The following MCF2 variants were observed in gnomAD, a reference collection of about 807,000 sequenced individuals.
The protein encoded by MCF2 is MCF.2 cell line derived transforming sequence, also known as proto-oncogene DBL.
MCF2 carries 44 observed loss-of-function variants against 82.5 expected under a neutral mutation model. The ratio of observed to expected loss-of-function variants is 0.53; its 90% CI spans 0.42 to 0.69. The LOEUF is 0.69. MCF2 is among the 30% of genes least tolerant of loss of function. MCF2 has a pLI of 0.00. For synonymous variants in MCF2, 217 were observed against 224.9 expected, an observed-to-expected ratio of 0.96 and a Z score of 0.32; for missense variants, 623 against 663.1, an observed-to-expected ratio of 0.94 and a Z score of 0.66.
At chrX:139,656,550 A>G (rs1411962650) in intron 1 of MCF2, among the ~76,000 whole-genome samples, 1 of 112,408 alleles carries the variant, frequency 8.9e-6, no homozygotes, top group Non-Finnish European at 1.9e-5. Context: ...TACTTTAATA[A>G]ATGATCAAGT....
upstream of MCF2, among the ~76,000 whole-genome samples, chrX:139,645,113 A>C (rs1933757414): frequency 1.8e-5 from 2 of 110,860 alleles, no homozygotes; most frequent in Non-Finnish European, 3.8e-5. Context: ...TCCCTACCCT[A>C]TCCTAGGGTA....
intron 21 of MCF2, 87 bp from the exon 26 acceptor site, chrX:139,587,875 A>G: frequency 2.1e-6 from 1 of 487,458 alleles, no homozygotes. Flanking sequence ...TCTCACACAC[A>G]CACACACACA....
intron 10 of MCF2, among the ~76,000 whole-genome samples, chrX:139,613,772 C>T (rs1931678468): frequency 9.0e-6 from 1 of 110,716 alleles, no homozygotes. Context: ...TACTCTTTTT[C>T]CAGTAGTTTT....
chrX:139,654,662 T>C (rs1934138305), intron 1 of MCF2, among the ~76,000 whole-genome samples: 1 of 111,966 alleles, frequency 8.9e-6, no homozygotes, highest in Non-Finnish European at 1.9e-5. Flanking sequence ...ATCCCATTTG[T>C]CTATTTTTGC....
At chrX:139,645,048 C>T (rs1603299119), upstream of MCF2, among the ~76,000 whole-genome samples, 1 of 110,534 alleles carries the variant, frequency 9.0e-6, no homozygotes, top group East Asian at 2.8e-4. Context: ...GTCTTGGGAA[C>T]CTGGGGACTA....
intron 12 of MCF2, chrX:139,607,469 G>A (rs1013406402): frequency 4.1e-6 from 1 of 244,730 alleles, no homozygotes; most frequent in African/African-American, 2.9e-5. Context: ...TTTCAGTCTG[G>A]GGTAAAAAAA....
chrX:139,634,379 A>G (rs1283094179), intron 1 of MCF2, among the ~76,000 whole-genome samples: 1 of 111,960 alleles, frequency 8.9e-6, no homozygotes, highest in African/African-American at 3.2e-5. Flanking sequence ...CTAAAAAAAT[A>G]AAGTCTATTT....
intron 1 of MCF2, among the ~76,000 whole-genome samples, chrX:139,691,105 T>C (rs1437543607): frequency 8.9e-6 from 1 of 112,093 alleles, no homozygotes. Flanking sequence ...GCAGCGGCCG[T>C]AAAGACTTTG....
chrX:139,619,741 A>G, intron 6 of MCF2, 35 bp from the exon 10 acceptor site: 1 of 1,054,937 alleles, frequency 9.5e-7, no homozygotes, highest in South Asian at 2.7e-5. Context: ...TTAAAAACAT[A>G]AAATTTATCC....
At chrX:139,588,227 A>G in intron 21 of MCF2, 133 bp downstream of exon 25, 1 of 453,157 alleles carries the variant, frequency 2.2e-6, no homozygotes. Flanking sequence ...CCTACTAATT[A>G]AATTAACAAA....
intron 16 of MCF2, among the ~76,000 whole-genome samples, chrX:139,599,949 T>C (rs1488672978): frequency 8.9e-6 from 1 of 112,083 alleles, no homozygotes; most frequent in African/African-American, 3.2e-5. Context: ...TAAAATGCTA[T>C]ACATCCATAT....
At position 139,676,299 on chromosome X, in the gene MCF2, C is replaced by T. The variant is rs1165058823; in HGVS notation, c.-44-24511G>A. Among the ~76,000 whole-genome samples, 5 of 111,694 alleles carry T rather than the reference C, an allele frequency of 4.5e-5. No individual in the cohort carries two copies. In the East Asian group the frequency reaches 1.4e-3, roughly 32 times the overall value. ...CTTCCCGGGTGAGGTGATGCCCCAC[C>T]CTGCTTCAGTTCACCCTCCATGCGC... On this transcript the variant is annotated intron_variant, in intron 1 of 27. Coordinates refer to the MCF2 transcript ENST00000414978.
chrX:139,647,749 C>T (rs965566740), upstream of MCF2, among the ~76,000 whole-genome samples: 1 of 111,638 alleles, frequency 9.0e-6, no homozygotes, highest in Non-Finnish European at 1.9e-5. Flanking sequence ...CCCGTTTCTC[C>T]ACCCAGCCCA....
At chrX:139,643,375 C>A, upstream of MCF2, among the ~76,000 whole-genome samples, 1 of 111,654 alleles carries the variant, frequency 9.0e-6, no homozygotes. Context: ...TTTCTGAATG[C>A]CAACTTTTGC....
intron 8 of MCF2, among the ~76,000 whole-genome samples, chrX:139,617,228 C>G (rs1344744122): frequency 9.0e-6 from 1 of 111,295 alleles, no homozygotes; most frequent in Non-Finnish European, 1.9e-5. Context: ...ACAAAGGAAG[C>G]CATTACTCCA....
At chrX:139,664,508 AG>A (rs1437295411) in intron 1 of MCF2, among the ~76,000 whole-genome samples, 1 of 111,191 alleles carries the variant, frequency 9.0e-6, no homozygotes, top group Non-Finnish European at 1.9e-5. Flanking sequence ...TTAAGGCCCA[AG>A]GGATCTTTAA....
At chrX:139,665,176 C>A (rs755780697) in intron 1 of MCF2, among the ~76,000 whole-genome samples, 1 of 111,535 alleles carries the variant, frequency 9.0e-6, no homozygotes, top group African/African-American at 3.3e-5. Flanking sequence ...CCTTAGCTTC[C>A]CTGGCTGGTG....
chrX:139,689,655 A>T (rs867173807), intron 1 of MCF2, among the ~76,000 whole-genome samples: 182 of 106,799 alleles, frequency 1.7e-3, no homozygotes, highest in African/African-American at 5.7e-3. Flanking sequence ...TGCATATCTT[A>T]TTTCCTTGCC....
At chrX:139,661,758 C>G (rs1934361282) in intron 1 of MCF2, among the ~76,000 whole-genome samples, 1 of 110,822 alleles carries the variant, frequency 9.0e-6, no homozygotes, top group Admixed American at 9.7e-5. Flanking sequence ...TACCTTAGAG[C>G]CAAGCACATA....
Sources: allele counts gnomAD v4.1 joint callset (sites outside exome capture counted in the v4.1 genomes callset), GRCh38; gene constraint gnomAD v4.1.1; transcripts MANE v1.5; gene names NCBI Gene and HGNC (gene_info 2026-07-23, HGNC 2026-07-21).